ITPRID1: variants seen among roughly 807,000 people sequenced by gnomAD.
ITPRID1 encodes the protein protein ITPRID1.
ITPRID1 carries 96 observed loss-of-function variants against 95.4 expected under a neutral mutation model. The ratio of observed to expected loss-of-function variants is 1.01; its 90% CI spans 0.85 to 1.19. The LOEUF (loss-of-function observed/expected upper bound fraction) is 1.19, where lower values mean the gene tolerates loss of function less well. Among genes scored for constraint, ITPRID1 ranks in the 50% most tolerant of loss-of-function variants. The pLI, the probability that ITPRID1 is intolerant of heterozygous loss-of-function variation, is 0.00. For missense variants in ITPRID1, 1,339 were observed against 1,252.9 expected, an observed-to-expected ratio of 1.07 and a Z score of -1.04; for synonymous variants, 510 against 453.6, an observed-to-expected ratio of 1.12 and a Z score of -1.58.
At chr7:31,567,652 G>A (rs564192515) in intron 5 of ITPRID1, among the ~76,000 whole-genome samples, 57 of 149,886 alleles carry the variant, frequency 3.8e-4, no homozygotes, top group African/African-American at 1.0e-3. Flanking sequence ...CGCAGTCTCC[G>A]CTCACTGCAA....
At chr7:31,622,821 T>C (rs1413448953) in intron 10 of ITPRID1, among the ~76,000 whole-genome samples, 1 of 152,102 alleles carries the variant, frequency 6.6e-6, no homozygotes, top group Non-Finnish European at 1.5e-5. Context: ...ATCCAGGAGC[T>C]GGTTTTTTGA....
chr7:31,630,614 A>G (rs1788906796), intron 10 of ITPRID1, among the ~76,000 whole-genome samples: 1 of 152,200 alleles, frequency 6.6e-6, no homozygotes, highest in South Asian at 2.1e-4. Flanking sequence ...ATCTGCATCG[A>G]GTATGTCACA....
intron 10 of ITPRID1, among the ~76,000 whole-genome samples, chr7:31,595,293 C>T (rs928962278): frequency 4.6e-5 from 7 of 150,908 alleles, no homozygotes; most frequent in African/African-American, 1.7e-4. Context: ...GATCCACCCG[C>T]CTTGGTCCCC....
chr7:31,568,796 A>G (rs1016330062), intron 5 of ITPRID1, among the ~76,000 whole-genome samples: 1 of 152,216 alleles, frequency 6.6e-6, no homozygotes, highest in Non-Finnish European at 1.5e-5. Flanking sequence ...GTCCTAACAC[A>G]TACATATACA....
chr7:31,552,447 A>C (rs895439101), intron 2 of ITPRID1, among the ~76,000 whole-genome samples: 7 of 152,190 alleles, frequency 4.6e-5, no homozygotes, highest in Non-Finnish European at 7.3e-5. Context: ...TCTAGCACAT[A>C]ATAAGTATTC....
rs1253112666 is a variant in ITPRID1, at chr7:31,563,873, C to A, written c.257-5885C>A. Among the ~76,000 whole-genome samples the A allele has an allele frequency of 2.0e-5, 3 of 152,136 alleles. No individual in the cohort carries two copies. The East Asian group carries it at 5.8e-4, about 29-fold the overall frequency. On this transcript the variant is annotated intron_variant, in intron 5 of 14. Coordinates refer to ENST00000615280, the MANE Select transcript of ITPRID1 (RefSeq NM_001257967.3). Reference sequence around the variant, plus strand: ...TTAAGGTTTTGAGCATGAATGTCAGCAGAGTGTAAGAGACTTTCTTTTAAA... The same window carrying A: ...TTAAGGTTTTGAGCATGAATGTCAGAAGAGTGTAAGAGACTTTCTTTTAAA...
chr7:31,526,268 T>C (rs1428310019), intron 1 of ITPRID1, among the ~76,000 whole-genome samples: 3 of 152,236 alleles, frequency 2.0e-5, no homozygotes, highest in African/African-American at 4.8e-5. Flanking sequence ...CTCTGACATA[T>C]GATGATTTGA....
chr7:31,586,820 G>C (rs1331932969), intron 10 of ITPRID1, among the ~76,000 whole-genome samples: 1 of 151,600 alleles, frequency 6.6e-6, no homozygotes, highest in Non-Finnish European at 1.5e-5. Context: ...AGTTTCTTTT[G>C]CTGTGCAGAA....
rs1356437831 is a variant in ITPRID1 at position 31,583,128 on chromosome 7, T to C, written c.1171-6T>C. 1.9e-6 allele frequency: 3 copies of C among 1,605,430 alleles called. No homozygotes were observed. The highest frequency in any genetic ancestry group is 4.5e-5 in the East Asian group (2 of 44,802). ...CTAATGACATTGATGCATTTTGATA[T>C]CTTAGGTCCAAAGCTTTGAAGAAGA... is the stretch of plus-strand genomic sequence containing the variant. On this transcript the variant is annotated splice_region_variant and splice_polypyrimidine_tract_variant and intron_variant, in intron 9 of 14. Transcript: ENST00000615280.
chr7:31,581,130 T>C (rs1223068982), intron 9 of ITPRID1, among the ~76,000 whole-genome samples: 1 of 152,190 alleles, frequency 6.6e-6, no homozygotes, highest in Non-Finnish European at 1.5e-5. Context: ...TGTGTGAAAT[T>C]GGCAGATTTT....
At position 31,578,008 on chromosome 7, in the gene ITPRID1, G is replaced by C; in HGVS notation, c.744G>C (p.Glu248Asp). 1.2e-6 allele frequency: 2 copies of C among 1,613,838 alleles called. No homozygotes were observed. The highest frequency in any genetic ancestry group is 1.7e-6 in the Non-Finnish European group (2 of 1,179,854). Residue 248 changes from glutamate to aspartate, a missense_variant, in exon 9 of 15, where the codon GAG (glutamate) becomes GAC (aspartate). Transcript: ENST00000615280. ...VQRTSVSAAK[E>D]HRRRMGKLLR... The stretch of plus-strand genomic sequence containing the variant: ...GAACCTCAGTGAGTGCCGCCAAAGA[G>C]CATCGAAGAAGAATGGGTAAACTCT...
At chr7:31,523,247 A>G (rs1783324057) in intron 1 of ITPRID1, among the ~76,000 whole-genome samples, 1 of 152,240 alleles carries the variant, frequency 6.6e-6, no homozygotes, top group African/African-American at 2.4e-5. Flanking sequence ...ATCAAAGAAG[A>G]ATTCAGCCAT....
chr7:31,634,138 C>T (rs566569451), intron 10 of ITPRID1, among the ~76,000 whole-genome samples: 1 of 152,300 alleles, frequency 6.6e-6, no homozygotes, highest in South Asian at 2.1e-4. Context: ...CCTGAGGCGT[C>T]TGTCTCCTCC....
At chr7:31,585,484 A>C (rs1785558682) in intron 10 of ITPRID1, among the ~76,000 whole-genome samples, 1 of 152,224 alleles carries the variant, frequency 6.6e-6, no homozygotes, top group African/African-American at 2.4e-5. Context: ...AAGGAAATAT[A>C]TAATAGTGCT....
chr7:31,526,409 T>G (rs1192007877), intron 1 of ITPRID1, among the ~76,000 whole-genome samples: 1 of 152,198 alleles, frequency 6.6e-6, no homozygotes, highest in Non-Finnish European at 1.5e-5. Flanking sequence ...ATAGTCAGAC[T>G]AGTTGTAGGG....
Position 31,655,920 on chromosome 7 carries a change from T to C in ITPRID1, c.*3091T>C. The C allele has an allele frequency of 1.0e-6, 1 of 985,452 alleles. No individual in the cohort carries two copies. The highest frequency in any genetic ancestry group is 1.2e-6 in the Non-Finnish European group (1 of 829,978). The allele number at this position is 985,452 out of a possible 1,614,324, so 61.0% of individuals were successfully genotyped here. On this transcript the variant is annotated 3_prime_UTR_variant, in exon 15 of 15. Coordinates refer to ENST00000615280, the MANE Select transcript of ITPRID1 (RefSeq NM_001257967.3). ...TGTCCCTCACCTGGCAGCCATCTGC[T>C]TTACCAGTCTCATTTCCTGCTCATC...
chr7:31,557,437 G>T (rs1784485534), intron 5 of ITPRID1, among the ~76,000 whole-genome samples: 1 of 152,036 alleles, frequency 6.6e-6, no homozygotes, highest in Admixed American at 6.6e-5. Context: ...TTTCCTGTTG[G>T]GTTCTATGAT....
rs976822940 is a variant in ITPRID1 at position 31,614,617 on chromosome 7, T to TAAAC, written c.1229-27557_1229-27554dup. ...GTTCCTGGTACGTATGGATGCTCAG[T>TAAAC]AAACATTATGGAATTAATTGATTAA... On this transcript the variant is annotated intron_variant, in intron 10 of 14. Transcript: ENST00000615280. Among the ~76,000 whole-genome samples, 313 of 152,290 alleles carry TAAAC rather than the reference T, an allele frequency of 2.1e-3. 1 individual carries two copies. The highest frequency in any genetic ancestry group is 7.3e-3 in the African/African-American group (302 of 41,566).
At chr7:31,517,318 T>C (rs1196269113) in intron 1 of ITPRID1, 5 of 152,256 alleles carry the variant, frequency 3.3e-5, no homozygotes, top group African/African-American at 1.2e-4. Context: ...TGCTGATTGG[T>C]GCGTTTACAA....
Sources: gnomAD v4.1 joint callset for allele counts (sites outside exome capture counted in the v4.1 genomes callset) on GRCh38, gnomAD v4.1.1 for gene constraint, MANE v1.5 for transcripts, NCBI Gene and HGNC (gene_info 2026-07-23, HGNC 2026-07-21) for gene names.